The following ABCA5 variants were observed in gnomAD, a reference collection of about 807,000 sequenced individuals.
ABCA5 encodes the protein cholesterol transporter ABCA5.
Under a neutral mutation model 206.0 loss-of-function variants are expected in ABCA5, and 163 were observed. The ratio of observed to expected loss-of-function variants is 0.79; its 90% CI spans 0.70 to 0.90. The LOEUF (loss-of-function observed/expected upper bound fraction) is 0.90, where lower values mean the gene tolerates loss of function less well. Among genes scored for constraint, ABCA5 ranks in the 40% least tolerant of loss-of-function variants. ABCA5 has a pLI of 0.00. For synonymous variants in ABCA5, 609 were observed against 613.8 expected, an observed-to-expected ratio of 0.99 and a Z score of 0.11; for missense variants, 1,859 against 1,912.9, an observed-to-expected ratio of 0.97 and a Z score of 0.53.
intron 11 of ABCA5, 48 bp downstream of exon 11, chr17:69,294,607 T>G (rs1202177446): frequency 7.0e-7 from 1 of 1,428,510 alleles, no homozygotes; most frequent in Admixed American, 2.0e-5. Flanking sequence ...ATTATTTTTC[T>G]AGTTGTACTT....
At chr17:69,267,563 G>A (rs548516869) in intron 23 of ABCA5, among the ~76,000 whole-genome samples, 11 of 152,130 alleles carry the variant, frequency 7.2e-5, no homozygotes, top group African/African-American at 2.4e-4. Flanking sequence ...TAAAAGGGAC[G>A]GGCATGTTAG....
chr17:69,259,890 T>C, intron 27 of ABCA5, 93 bp from the exon 28 acceptor site: 1 of 616,914 alleles, frequency 1.6e-6, no homozygotes, highest in South Asian at 3.1e-5. Context: ...ACTACATACA[T>C]CAAGTTCCTT....
intron 7 of ABCA5, among the ~76,000 whole-genome samples, chr17:69,303,290 ATT>A (rs902277923): frequency 6.6e-6 from 1 of 151,538 alleles, no homozygotes; most frequent in African/African-American, 2.4e-5. Context: ...GCATTTTAGT[ATT>A]TTTTTTGTAG....
At chr17:69,285,621 C>G (rs187757895) in intron 17 of ABCA5, among the ~76,000 whole-genome samples, 1 of 151,594 alleles carries the variant, frequency 6.6e-6, no homozygotes, top group Non-Finnish European at 1.5e-5. Flanking sequence ...TTTTTCTTGA[C>G]AACAAAGTAA....
intron 1 of ABCA5, chr17:69,316,850 G>GTGGA (rs1286886335): frequency 2.6e-5 from 4 of 152,216 alleles, no homozygotes; most frequent in African/African-American, 9.7e-5. Flanking sequence ...TGCGGAGAAA[G>GTGGA]TGGAATACAT....
intron 19 of ABCA5, among the ~76,000 whole-genome samples, chr17:69,277,224 T>C (rs888277397): frequency 6.6e-6 from 1 of 152,104 alleles, no homozygotes; most frequent in Non-Finnish European, 1.5e-5. Flanking sequence ...TTACAAAAAG[T>C]GGTTATAAAA....
At position 69,246,942 on chromosome 17, in the gene ABCA5, C is replaced by CTTATTATG. The variant is rs2074958187; in HGVS notation, c.*594_*595insCATAATAA. 6.6e-6 allele frequency: 1 copy of CTTATTATG among 151,920 alleles called. No homozygotes were observed. Among genetic ancestry groups the CTTATTATG allele is most frequent in the Non-Finnish European group, 1.5e-5 (1 of 67,814 alleles). 9.4% of individuals were successfully genotyped at this position (151,920 alleles called of 1,614,324 possible). A position where few individuals can be genotyped will look rare whatever the true frequency, so the allele number is the denominator to read the frequency against. On this transcript the variant is annotated 3_prime_UTR_variant, in exon 39 of 39. Coordinates refer to ENST00000392676, the MANE Select transcript of ABCA5 (RefSeq NM_172232.4). The stretch of plus-strand genomic sequence containing the variant: ...CTAAGCCTAAAATCATGTACTAGAA[C>CTTATTATG]AAGGGCTCATTTCACTTATTATGAT...
At chr17:69,249,557 A>C in intron 37 of ABCA5, 1 of 237,478 alleles carries the variant, frequency 4.2e-6, no homozygotes, top group Non-Finnish European at 8.1e-6. Context: ...CTCGATAATT[A>C]AGCTGACCCT....
At chr17:69,258,066 T>C (rs956927344) in intron 28 of ABCA5, among the ~76,000 whole-genome samples, 1 of 152,030 alleles carries the variant, frequency 6.6e-6, no homozygotes. Flanking sequence ...TGAATAACTA[T>C]TGAAAAGAAA....
chr17:69,296,079 C>CTGAT (rs1353624027), intron 10 of ABCA5, among the ~76,000 whole-genome samples: 1 of 151,956 alleles, frequency 6.6e-6, no homozygotes, highest in East Asian at 1.9e-4. Flanking sequence ...TTTTTCATTT[C>CTGAT]TGATTATCAA....
intron 36 of ABCA5, 44 bp from the exon 37 acceptor site, chr17:69,250,028 C>A (rs1471347151): frequency 5.8e-6 from 7 of 1,206,992 alleles, no homozygotes; most frequent in Non-Finnish European, 7.9e-6. Context: ...AAAATTACTA[C>A]TATTATGTTC....
chr17:69,306,863 G>A lies in ABCA5; in HGVS notation c.650C>T (p.Pro217Leu). The A allele has an allele frequency of 6.2e-7, 1 of 1,602,890 alleles. No individual in the cohort carries two copies. Among genetic ancestry groups the A allele is most frequent in the Non-Finnish European group, 8.5e-7 (1 of 1,174,028 alleles). ...TAGGTATATTAAAATTACTCCTCGG[G>A]GAAAGGTATCTATTTCTACAACAGC... is the stretch of plus-strand genomic sequence containing the variant. ...ETAVVEIDTF[P>L]RGVILIYLVI... Residue 217 changes from proline to leucine, a missense_variant, in exon 6 of 39, where the codon CCC becomes CTC. Pro to Leu is a moderately conservative substitution (Grantham distance 98). Coordinates refer to ENST00000392676, the MANE Select transcript of ABCA5 (RefSeq NM_172232.4).
intron 15 of ABCA5, 139 bp from the exon 16 acceptor site, chr17:69,286,450 T>C (rs2075454709): frequency 1.4e-6 from 1 of 706,790 alleles, no homozygotes; most frequent in Non-Finnish European, 2.3e-6. Context: ...ATGAGGATGG[T>C]ACTAGATTAT....
chr17:69,319,595 A>G (rs1182778023), intron 1 of ABCA5, among the ~76,000 whole-genome samples: 1 of 152,182 alleles, frequency 6.6e-6, no homozygotes, highest in East Asian at 1.9e-4. Flanking sequence ...TAAGAGACCC[A>G]CAGACTGGAT....
chr17:69,281,422 T>G (rs1171798235), intron 18 of ABCA5, among the ~76,000 whole-genome samples: 1 of 152,150 alleles, frequency 6.6e-6, no homozygotes, highest in African/African-American at 2.4e-5. Flanking sequence ...GCCACGCACT[T>G]TCAATATAAA....
At position 69,306,743 on chromosome 17, in the gene ABCA5, A is replaced by G; in HGVS notation, c.770T>C (p.Leu257Pro). ...AACATACCAAAAGGCAGTATCATGAAGTCCCATTATCTTTAAAAATTCTTT... is the reference window on the plus strand; with the variant it reads ...AACATACCAAAAGGCAGTATCATGAGGTCCCATTATCTTTAAAAATTCTTT... ...KIKEFLKIMG[L>P]HDTAFWLSWV... Residue 257 changes from leucine (L) to proline (P), a missense_variant, in exon 6 of 39, where the codon CTT becomes CCT. By Grantham distance (98) the Leu-to-Pro change is moderately conservative. Transcript: ENST00000392676. The G allele has an allele frequency of 6.7e-7, 1 of 1,491,874 alleles. No homozygotes were observed. Among genetic ancestry groups the G allele is most frequent in the Non-Finnish European group, 9.0e-7 (1 of 1,111,404 alleles). 92.4% of individuals were successfully genotyped at this position (1,491,874 alleles called of 1,614,324 possible). A position where few individuals can be genotyped will look rare whatever the true frequency, so the allele number is the denominator to read the frequency against.
rs752019582 is a variant in ABCA5, at chr17:69,289,187, C to G, written c.1892G>C (p.Gly631Ala). 4 of 1,600,774 alleles carry G rather than the reference C, an allele frequency of 2.5e-6. No individual in the cohort carries two copies. Among genetic ancestry groups the G allele is most frequent in the Middle Eastern group, 1.7e-4 (1 of 6,028 alleles). ...GTAATATTTATTTACCTTTGGGTTC[C>G]CAAGAACAGCAATTCCTAATGACAG... ...RKLSLGIAVL[G>A]NPKILLLDEP... Residue 631 changes from glycine to alanine, a missense_variant, in exon 14 of 39, where the codon GGG (glycine) becomes GCG (alanine). Gly to Ala is a moderately conservative substitution (Grantham distance 60). Coordinates refer to ENST00000392676, the MANE Select transcript of ABCA5 (RefSeq NM_172232.4).
intron 11 of ABCA5, among the ~76,000 whole-genome samples, chr17:69,293,043 C>T (rs1324917726): frequency 6.6e-6 from 1 of 152,042 alleles, no homozygotes; most frequent in Non-Finnish European, 1.5e-5. Context: ...ATTAATTTGC[C>T]TCCTAGAAGA....
chr17:69,248,352 A>G (rs376105466), intron 37 of ABCA5, 35 bp from the exon 38 acceptor site: 17 of 1,332,128 alleles, frequency 1.3e-5, no homozygotes, highest in Non-Finnish European at 1.7e-5. Flanking sequence ...TTACTTATCA[A>G]TATCTGAAAA....
Sources: gnomAD v4.1 joint callset for allele counts (sites outside exome capture counted in the v4.1 genomes callset) on GRCh38, gnomAD v4.1.1 for gene constraint, MANE v1.5 for transcripts, NCBI Gene and HGNC (gene_info 2026-07-23, HGNC 2026-07-21) for gene names.